The following IL17RB variants were observed in gnomAD, a reference collection of about 807,000 sequenced individuals.
IL17RB encodes interleukin-17 receptor B.
Under a neutral mutation model 43.9 loss-of-function variants are expected in IL17RB, and 36 were observed. The ratio of observed to expected loss-of-function variants is 0.82; its 90% CI spans 0.63 to 1.08. IL17RB has a LOEUF of 1.08. Ranked by LOEUF, IL17RB falls within the 50% of genes least tolerant of loss-of-function variation. IL17RB has a pLI of 0.00. For missense variants in IL17RB, 613 were observed against 613.6 expected (o/e 1.00, Z 0.01); for synonymous variants, 225 against 225.4 (o/e 1.00, Z 0.02).
intron 5 of IL17RB, among the ~76,000 whole-genome samples, chr3:53,855,055 A>G (rs532550503): frequency 6.8e-6 from 1 of 146,342 alleles, no homozygotes; most frequent in South Asian, 2.2e-4. Context: ...TGGCAGAGCT[A>G]GCAGTGAGCT....
intron 9 of IL17RB, chr3:53,859,355 T>C (rs1699471718): frequency 6.5e-6 from 1 of 152,682 alleles, no homozygotes; most frequent in South Asian, 2.1e-4. Flanking sequence ...AGAAATACAA[T>C]GTTTACACAA....
rs1188915033 is a variant in IL17RB, at chr3:53,865,252, C to G, written c.1453C>G (p.Gln485Glu). ...FCAELLHVKQQVSAGKRSQAC... is the reference protein window; with the variant it reads ...FCAELLHVKQEVSAGKRSQAC... ...TGCAGAACTTCTCCATGTCAAGCAG[C>G]AGGTGTCAGCAGGAAAAAGATCACA... The change falls in exon 11 of 11, where the codon CAG (glutamine) becomes GAG (glutamate). Residue 485 changes from glutamine (Q) to glutamate (E), a missense_variant. Gln to Glu is a conservative substitution (Grantham distance 29). Transcript: ENST00000288167. The G allele has an allele frequency of 6.2e-7, 1 of 1,611,904 alleles. No homozygotes were observed. The highest frequency in any genetic ancestry group is 1.1e-5 in the South Asian group (1 of 91,072).
At position 53,865,197 on chromosome 3, in the gene IL17RB, C is replaced by T; in HGVS notation, c.1398C>T (p.Tyr466=). The change falls in exon 11 of 11, where the codon TAC becomes TAT. Residue 466 remains tyrosine (Y), a synonymous_variant. Coordinates refer to ENST00000288167, the MANE Select transcript of IL17RB (RefSeq NM_018725.4). Reference sequence around the variant, plus strand: ...ATGCTCTCAGTGTCTGCCCCAAGTACCACCTCATGAAGGATGCCACTGCTT... The same window carrying T: ...ATGCTCTCAGTGTCTGCCCCAAGTATCACCTCATGAAGGATGCCACTGCTT... ...DYNALSVCPK[Y]HLMKDATAFC... 1 of 1,614,088 alleles carries T rather than the reference C, an allele frequency of 6.2e-7. No individual in the cohort carries two copies. Among genetic ancestry groups the T allele is most frequent in the Non-Finnish European group, 8.5e-7 (1 of 1,180,008 alleles).
At chr3:53,856,002 C>T (rs1699321582) in intron 6 of IL17RB, among the ~76,000 whole-genome samples, 1 of 152,218 alleles carries the variant, frequency 6.6e-6, no homozygotes, top group South Asian at 2.1e-4. Context: ...CAGCCCAGAA[C>T]TCTTAGGCAC....
chr3:53,860,109 A>C, intron 9 of IL17RB, 21 bp from the exon 10 acceptor site: 1 of 1,579,996 alleles, frequency 6.3e-7, no homozygotes, highest in South Asian at 1.1e-5. Flanking sequence ...TCCAAAGGTG[A>C]ATAAGCTTTG....
intron 3 of IL17RB, among the ~76,000 whole-genome samples, chr3:53,851,374 G>C (rs1434874396): frequency 6.6e-6 from 1 of 152,210 alleles, no homozygotes; most frequent in Non-Finnish European, 1.5e-5. Context: ...GATAGGGCGA[G>C]AGGAGCTGGA....
chr3:53,849,857 T>G lies in IL17RB; in HGVS notation c.226+62T>G, dbSNP rs1699071455. Reference sequence around the variant, plus strand: ...TCTACTAAATCAGAAATGTGCAGACTATATGAACCATTAATTCCCCTTCTA... The same window carrying G: ...TCTACTAAATCAGAAATGTGCAGACGATATGAACCATTAATTCCCCTTCTA... On this transcript the variant is annotated intron_variant, in intron 3 of 10. Transcript: ENST00000288167. The G allele has an allele frequency of 3.4e-6, 5 of 1,450,064 alleles. No individual in the cohort carries two copies. In the African/African-American group the frequency reaches 7.1e-5, roughly 21 times the overall value. The allele number at this position is 1,450,064 out of a possible 1,614,324, so 89.8% of individuals were successfully genotyped here.
chr3:53,856,229 T>G (rs1699328377), intron 6 of IL17RB, among the ~76,000 whole-genome samples: 1 of 152,212 alleles, frequency 6.6e-6, no homozygotes, highest in African/African-American at 2.4e-5. Context: ...AGAAGATAAT[T>G]TCTGCTGTTA....
chr3:53,862,892 G>A (rs1474432231), intron 10 of IL17RB, among the ~76,000 whole-genome samples: 1 of 152,174 alleles, frequency 6.6e-6, no homozygotes, highest in Non-Finnish European at 1.5e-5. Context: ...ATGTCTTTCT[G>A]TAAAGTTACA....
At chr3:53,853,205 TC>T (rs1474818038) in intron 5 of IL17RB, among the ~76,000 whole-genome samples, 2 of 152,208 alleles carry the variant, frequency 1.3e-5, no homozygotes, top group Admixed American at 6.5e-5. Flanking sequence ...AAAAGTCTGT[TC>T]CTGTATGCCA....
chr3:53,855,167 C>A, intron 5 of IL17RB, 127 bp from the exon 6 acceptor site: 32 of 359,204 alleles, frequency 8.9e-5, no homozygotes, highest in Non-Finnish European at 1.3e-4. Flanking sequence ...AATTTGCCAT[C>A]TTACATCTGG....
intron 1 of IL17RB, among the ~76,000 whole-genome samples, chr3:53,847,472 A>T (rs1167320973): frequency 7.1e-6 from 1 of 141,238 alleles, no homozygotes; most frequent in African/African-American, 2.6e-5. Context: ...TCCTGGTATG[A>T]TGGCTCATTT....
intron 8 of IL17RB, chr3:53,858,280 G>A (rs1576840336): frequency 4.5e-6 from 4 of 891,566 alleles, no homozygotes; most frequent in Admixed American, 5.8e-5. Flanking sequence ...CACCAGAGGG[G>A]GCAGGCACCA....
rs1314779171 is a variant in IL17RB, at chr3:53,859,873, C to T, written c.848-257C>T. 16 of 338,536 alleles carry T rather than the reference C, an allele frequency of 4.7e-5. No individual in the cohort carries two copies. In the East Asian group the frequency reaches 7.5e-4, roughly 16 times the overall value. The allele number at this position is 338,536 out of a possible 1,614,324, so 21.0% of individuals were successfully genotyped here. A position where few individuals can be genotyped will look rare whatever the true frequency, so the allele number is the denominator to read the frequency against. On this transcript the variant is annotated intron_variant, in intron 9 of 10. Transcript: ENST00000288167. ...TCTAAATCTCTACAAAGTGGCTGGGCGCGGTGACACATGCCTGTAATCCCA... is the reference window on the plus strand; with the variant it reads ...TCTAAATCTCTACAAAGTGGCTGGGTGCGGTGACACATGCCTGTAATCCCA...
intron 2 of IL17RB, among the ~76,000 whole-genome samples, chr3:53,849,443 AG>A (rs1163106947): frequency 6.6e-6 from 1 of 152,052 alleles, no homozygotes; most frequent in Non-Finnish European, 1.5e-5. Context: ...TGGGAGGCTG[AG>A]GTGGGAGGAT....
In IL17RB at chr3:53,846,652, A is replaced by AGCCCCC; in HGVS notation, c.60+8_60+13dup. The AGCCCCC allele has an allele frequency of 2.5e-6, 4 of 1,587,346 alleles. No individual in the cohort carries two copies. The highest frequency in any genetic ancestry group is 3.4e-6 in the Non-Finnish European group (4 of 1,170,008). On this transcript the variant is annotated splice_donor_region_variant and intron_variant, in intron 1 of 10. Transcript: ENST00000288167. ...GAGCGCCGTACCCCGAGAGCCGGTA[A>AGCCCCC]GCCCCCGCCAGCACCTCTTCCCTCA...
intron 10 of IL17RB, among the ~76,000 whole-genome samples, chr3:53,864,009 G>C (rs1699675935): frequency 6.6e-6 from 1 of 151,992 alleles, no homozygotes; most frequent in South Asian, 2.1e-4. Flanking sequence ...TTTTTGTTGA[G>C]ATGGGGTTTC....
At position 53,865,058 on chromosome 3, in the gene IL17RB, A is replaced by G. The variant is rs758868919; in HGVS notation, c.1259A>G (p.Gln420Arg). Reference sequence around the variant, plus strand: ...GAGGGCAGTCCCAGTGAGAACTCTCAAGACCTCTTCCCCCTTGCCTTTAAC... The same window carrying G: ...GAGGGCAGTCCCAGTGAGAACTCTCGAGACCTCTTCCCCCTTGCCTTTAAC... ...KSEGSPSENS[Q>R]DLFPLAFNLF... is the part of the protein sequence containing the mutation. The change falls in exon 11 of 11, where the codon CAA becomes CGA. Residue 420 changes from glutamine to arginine, a missense_variant. Coordinates refer to ENST00000288167, the MANE Select transcript of IL17RB (RefSeq NM_018725.4). The G allele has an allele frequency of 6.2e-7, 1 of 1,614,174 alleles. No individual in the cohort carries two copies. The highest frequency in any genetic ancestry group is 1.6e-4 in the Middle Eastern group (1 of 6,062).
chr3:53,854,317 A>G (rs1435435229), intron 5 of IL17RB, among the ~76,000 whole-genome samples: 1 of 152,230 alleles, frequency 6.6e-6, no homozygotes, highest in Non-Finnish European at 1.5e-5. Flanking sequence ...GTCAAAACTA[A>G]GAAACCAACA....
Sources: allele counts gnomAD v4.1 joint callset (sites outside exome capture counted in the v4.1 genomes callset), GRCh38; gene constraint gnomAD v4.1.1; transcripts MANE v1.5; gene names NCBI Gene and HGNC (gene_info 2026-07-23, HGNC 2026-07-21).